The following CD5 variants were observed in gnomAD, a reference collection of about 807,000 sequenced individuals.
CD5 encodes CD5 molecule.
Under a neutral mutation model 60.3 loss-of-function variants are expected in CD5, and 36 were observed. The ratio of observed to expected loss-of-function variants is 0.60; its 90% CI spans 0.46 to 0.79. CD5 has a LOEUF of 0.79. Ranked by LOEUF, CD5 falls within the 30% of genes least tolerant of loss-of-function variation. The probability of loss-of-function intolerance (pLI) is 0.00; values close to 1 mark genes in which losing one functional copy is unlikely to be tolerated. For synonymous variants in CD5, 230 were observed against 257.6 expected (o/e 0.89, Z 1.03); for missense variants, 540 against 630.6 (o/e 0.86, Z 1.54).
chr11:61,119,587 C>G lies in CD5; in HGVS notation c.805+12C>G. 1 of 1,585,888 alleles carries G rather than the reference C, an allele frequency of 6.3e-7. No homozygotes were observed. The highest frequency in any genetic ancestry group is 8.6e-7 in the Non-Finnish European group (1 of 1,165,898). On this transcript the variant is annotated intron_variant, in intron 5 of 10. Transcript: ENST00000347785. Reference sequence around the variant, plus strand: ...CCTCCTTTGCTCAGGTAAGTGAGACCTGGCCAAGCCCCATGACACCTTCTG... The same window carrying G: ...CCTCCTTTGCTCAGGTAAGTGAGACGTGGCCAAGCCCCATGACACCTTCTG...
rs1860993508 is a variant in CD5, at chr11:61,118,257, T to C, written c.177T>C (p.Val59=). The change falls in exon 3 of 11, where the codon GTT becomes GTC. Residue 59 remains valine (V), a synonymous_variant. Transcript: ENST00000347785. This position sits in a 1 kb window ranked among gnomAD's most constrained non-coding sequence, Gnocchi z 4.7. The stretch of plus-strand genomic sequence containing the variant: ...ACCTCAAGGACGGATGGCACATGGT[T>C]TGCAGCCAGAGCTGGGGCCGGAGCT... ...EVYLKDGWHM[V]CSQSWGRSSK... 6.2e-7 allele frequency: 1 copy of C among 1,614,236 alleles called. No individual in the cohort carries two copies.
At chr11:61,105,666 G>A (rs911162197) in intron 1 of CD5, among the ~76,000 whole-genome samples, 1 of 152,116 alleles carries the variant, frequency 6.6e-6, no homozygotes, top group Non-Finnish European at 1.5e-5. Flanking sequence ...TCTTGCACAG[G>A]CTATTTATTC....
chr11:61,097,464 G>C, the CD5 span, among the ~76,000 whole-genome samples: 1 of 152,224 alleles, frequency 6.6e-6, no homozygotes. Flanking sequence ...AAATCACATA[G>C]AGAGGAATCC....
chr11:61,118,132 A>G lies in CD5; in HGVS notation c.95-43A>G. On this transcript the variant is annotated intron_variant, in intron 2 of 10. Coordinates refer to ENST00000347785, the MANE Select transcript of CD5 (RefSeq NM_014207.4). This position sits in a 1 kb window ranked among gnomAD's most constrained non-coding sequence, Gnocchi z 4.7. Reference sequence around the variant, plus strand: ...GGGCAGTGAGGGGTGCCAGTGGGGAACCCCTCCCAGCCTGACCCCCACCAC... The same window carrying G: ...GGGCAGTGAGGGGTGCCAGTGGGGAGCCCCTCCCAGCCTGACCCCCACCAC... The G allele has an allele frequency of 6.3e-7, 1 of 1,582,210 alleles. No homozygotes were observed. The highest frequency in any genetic ancestry group is 8.6e-7 in the Non-Finnish European group (1 of 1,159,916).
intron 2 of CD5, among the ~76,000 whole-genome samples, chr11:61,116,552 CCACACACACCA>C (rs796367680): frequency 1.8e-4 from 19 of 107,768 alleles, no homozygotes; most frequent in African/African-American, 4.8e-4. Context: ...CACACACACA[CCACACACACCA>C]CACACACACC....
At chr11:61,116,083 T>C (rs1453397491) in intron 2 of CD5, among the ~76,000 whole-genome samples, 1 of 152,112 alleles carries the variant, frequency 6.6e-6, no homozygotes, top group Non-Finnish European at 1.5e-5. Flanking sequence ...GGCCCCAGAG[T>C]GTCCTCGTCG....
At chr11:61,121,275 T>C (rs1861055498) in intron 5 of CD5, among the ~76,000 whole-genome samples, 1 of 152,226 alleles carries the variant, frequency 6.6e-6, no homozygotes, top group African/African-American at 2.4e-5. Flanking sequence ...TGGAGCCTAT[T>C]TCCCACGCTC....
intron 9 of CD5, 142 bp downstream of exon 9, chr11:61,125,293 G>T: frequency 1.1e-6 from 1 of 886,948 alleles, no homozygotes; most frequent in South Asian, 1.6e-5. Context: ...AAACATCGCA[G>T]GATGCAGCAG....
chr11:61,118,052 G>C lies in CD5; in HGVS notation c.95-123G>C. ...CCAGAAGGGACGAAGCTCACAAGGGGCAAGGCAGGCAGCCCACGGGGCAGG... is the reference window on the plus strand; with the variant it reads ...CCAGAAGGGACGAAGCTCACAAGGGCCAAGGCAGGCAGCCCACGGGGCAGG... On this transcript the variant is annotated intron_variant, in intron 2 of 10. Coordinates refer to ENST00000347785, the MANE Select transcript of CD5 (RefSeq NM_014207.4). This position sits in a 1 kb window ranked among gnomAD's most constrained non-coding sequence, Gnocchi z 4.7. 1 of 1,014,872 alleles carries C rather than the reference G, an allele frequency of 9.9e-7. No homozygotes were observed. The highest frequency in any genetic ancestry group is 1.5e-6 in the Non-Finnish European group (1 of 685,670). The allele number at this position is 1,014,872 out of a possible 1,614,324, so 62.9% of individuals were successfully genotyped here. A position where few individuals can be genotyped will look rare whatever the true frequency, so the allele number is the denominator to read the frequency against.
chr11:61,122,080 C>T (rs920427900), intron 6 of CD5, among the ~76,000 whole-genome samples, 176 bp downstream of exon 6: 1 of 152,104 alleles, frequency 6.6e-6, no homozygotes, highest in African/African-American at 2.4e-5. Context: ...ACTCAGACAG[C>T]AATGGGCATG....
At chr11:61,113,546 C>T (rs1186408331) in intron 1 of CD5, among the ~76,000 whole-genome samples, 3 of 152,262 alleles carry the variant, frequency 2.0e-5, no homozygotes, top group Non-Finnish European at 4.4e-5. Context: ...TCTCTTTGAG[C>T]TTGGTCTTCT....
chr11:61,124,939 T>C (rs1329272421), intron 8 of CD5, 93 bp from the exon 9 acceptor site: 2 of 1,497,266 alleles, frequency 1.3e-6, no homozygotes, highest in Admixed American at 1.7e-5. Context: ...GCTAACATCA[T>C]GGGAATAGGA....
At chr11:61,104,187 C>T (rs1860746423) in intron 1 of CD5, among the ~76,000 whole-genome samples, 1 of 151,940 alleles carries the variant, frequency 6.6e-6, no homozygotes, top group African/African-American at 2.4e-5. Context: ...TGTGTGAGAA[C>T]TGTGTGTGTG....
chr11:61,119,616 C>A (rs1465228376), intron 5 of CD5, 41 bp downstream of exon 5: 3 of 1,450,100 alleles, frequency 2.1e-6, no homozygotes, highest in Non-Finnish European at 9.5e-7. Flanking sequence ...CCTTCTGCTG[C>A]CCTAGGTGGG....
rs1590764268 is a variant in CD5 at position 61,102,510 on chromosome 11, T to C, written c.-51T>C. On this transcript the variant is annotated 5_prime_UTR_variant, in exon 1 of 11. Transcript: ENST00000347785. ...GAGCGAGATACCCGGCCAGACACCC[T>C]CACCTGCGGTGCCCAGCTGCCCAGG... is the stretch of plus-strand genomic sequence containing the variant. 1 of 1,181,158 alleles carries C rather than the reference T, an allele frequency of 8.5e-7. No individual in the cohort carries two copies. The allele number at this position is 1,181,158 out of a possible 1,614,324, so 73.2% of individuals were successfully genotyped here. A position where few individuals can be genotyped will look rare whatever the true frequency, so the allele number is the denominator to read the frequency against.
upstream of CD5, among the ~76,000 whole-genome samples, chr11:61,101,911 T>TACACACACAC (rs35648034): frequency 2.1e-5 from 3 of 142,346 alleles, no homozygotes; most frequent in Non-Finnish European, 3.1e-5. Context: ...TCTCTCTCTC[T>TACACACACAC]ACACACACAC....
intron 1 of CD5, 151 bp downstream of exon 1, chr11:61,102,766 C>T (rs1416575615): frequency 5.7e-6 from 4 of 704,642 alleles, no homozygotes; most frequent in South Asian, 3.5e-5. Flanking sequence ...TCCCTGCCTG[C>T]CCCCACTAAG....
At chr11:61,101,467 TCA>T (rs1491203681), upstream of CD5, among the ~76,000 whole-genome samples, 4 of 135,986 alleles carry the variant, frequency 2.9e-5, no homozygotes, top group Admixed American at 7.6e-5. Flanking sequence ...AACATGGAGA[TCA>T]CACACACATA....
chr11:61,104,885 G>A (rs1333136379), intron 1 of CD5, among the ~76,000 whole-genome samples: 1 of 152,188 alleles, frequency 6.6e-6, no homozygotes, highest in Admixed American at 6.5e-5. Flanking sequence ...CCTTCACAGA[G>A]GCCCCTCCCT....
Sources: allele counts gnomAD v4.1 joint callset (sites outside exome capture counted in the v4.1 genomes callset), GRCh38; gene constraint gnomAD v4.1.1; non-coding constraint Gnocchi (gnomAD v3.1); transcripts MANE v1.5; gene names NCBI Gene and HGNC (gene_info 2026-07-23, HGNC 2026-07-21).